The following CROCC variants were observed in gnomAD, a reference collection of about 807,000 sequenced individuals.
CROCC encodes the protein ciliary rootlet coiled-coil, rootletin.
Under a neutral mutation model 245.2 loss-of-function variants are expected in CROCC, and 180 were observed. The ratio of observed to expected loss-of-function variants is 0.73; its 90% CI spans 0.65 to 0.83. The LOEUF (loss-of-function observed/expected upper bound fraction) is 0.83, where lower values mean the gene tolerates loss of function less well. Among genes scored for constraint, CROCC ranks in the 40% least tolerant of loss-of-function variants. CROCC has a pLI of 0.00. For missense variants in CROCC, 2,688 were observed against 2,779.4 expected (o/e 0.97, Z 0.74); for synonymous variants, 1,205 against 1,241.6 (o/e 0.97, Z 0.62).
rs552335551 is a variant in CROCC, at chr1:16,926,896, C to A, written c.351+2417C>A. 5.2e-5 allele frequency among the ~76,000 whole-genome samples: 8 copies of A among 152,396 alleles called. No individual in the cohort carries two copies. The South Asian group carries it at 1.7e-3, about 32-fold the overall frequency. ...GGCAGCCTCCTTCCCTTTTGAATTG[C>A]AAGTAAAATTGAAAGGCTGTTTTGC... is the stretch of plus-strand genomic sequence containing the variant. On this transcript the variant is annotated intron_variant, in intron 3 of 36. Transcript: ENST00000375541.
Position 16,946,865 on chromosome 1 carries a change from G to A in CROCC, c.2388G>A (p.Glu796=), listed in dbSNP as rs770661047. Residue 796 remains glutamate, a synonymous_variant, in exon 17 of 37, where the codon GAG becomes GAA. Transcript: ENST00000375541. ...AACGGCTAGAGGAGCTGCGGTTGGA[G>A]CAGGAGGTGGCGCGGCAGGGCCTGG... ...EQERLEELRL[E]QEVARQGLEG... 6.4e-7 allele frequency: 1 copy of A among 1,557,922 alleles called. No individual in the cohort carries two copies. The highest frequency in any genetic ancestry group is 8.7e-7 in the Non-Finnish European group (1 of 1,150,870).
intron 8 of CROCC, among the ~76,000 whole-genome samples, chr1:16,935,615 G>A (rs1318400608): frequency 2.6e-5 from 4 of 152,374 alleles, no homozygotes; most frequent in Admixed American, 6.5e-5. Context: ...TAATAGAGAC[G>A]GGGTTTCACC....
intron 19 of CROCC, 90 bp downstream of exon 19, chr1:16,949,016 A>G: frequency 6.5e-7 from 1 of 1,528,604 alleles, no homozygotes; most frequent in South Asian, 1.3e-5. Context: ...AGTTGGGAGC[A>G]CTGGAGTAGG....
At chr1:16,971,329 T>C in intron 35 of CROCC, 136 bp from the exon 36 acceptor site, 1 of 1,309,588 alleles carries the variant, frequency 7.6e-7, no homozygotes, top group Admixed American at 3.0e-5. Context: ...GCCAGCAGGA[T>C]GGAAGACACA....
At chr1:16,969,410 G>A in intron 32 of CROCC, 70 bp downstream of exon 32, 1 of 1,468,434 alleles carries the variant, frequency 6.8e-7, no homozygotes, top group Non-Finnish European at 9.3e-7. Context: ...GGCTTGGAGG[G>A]GGGCCCTGGT....
chr1:16,930,002 GC>G lies in CROCC; in HGVS notation c.511del (p.Gln171SerfsTer36), dbSNP rs2075629791. On this transcript the variant is annotated frameshift_variant, in exon 4 of 37. Coordinates refer to ENST00000375541, the MANE Select transcript of CROCC (RefSeq NM_014675.5). LOFTEE classifies it high-confidence loss of function. ...QAYQEGQQRQ[A>X]QLVQRLQGKI... ...CTACCAGGAGGGCCAGCAGCGGCAG[GC>G]CCAGCTTGTGCAGCGGCTGCAGGGC... 6.3e-7 allele frequency: 1 copy of G among 1,582,940 alleles called. No homozygotes were observed. Among genetic ancestry groups the G allele is most frequent in the African/African-American group, 1.3e-5 (1 of 74,790 alleles).
rs1455347187 is a variant in CROCC, at chr1:16,971,520, C to T, written c.5840C>T (p.Ala1947Val). Residue 1947 changes from alanine to valine, a missense_variant, in exon 36 of 37, where the codon GCG becomes GTG. Ala to Val is a moderately conservative substitution (Grantham distance 64, BLOSUM62 0). Around this residue, in one of 9 missense-constraint regions of CROCC, gnomAD observed 1,218 missense variants for 1,286.3 expected, o/e 0.95. Coordinates refer to ENST00000375541, the MANE Select transcript of CROCC (RefSeq NM_014675.5). ...AGCCCGGCCCAGCTGGAGGTGGATG[C>T]GCAGCAGCAGCAGCTGGAGCTGCAG... ...SHSPAQLEVD[A>V]QQQQLELQQE... The T allele has an allele frequency of 1.8e-5, 27 of 1,536,730 alleles. No homozygotes were observed. Among genetic ancestry groups the T allele is most frequent in the South Asian group, 4.8e-5 (4 of 83,906 alleles).
At chr1:16,968,084 G>T in intron 30 of CROCC, 119 bp from the exon 31 acceptor site, 1 of 994,696 alleles carries the variant, frequency 1.0e-6, no homozygotes, top group Non-Finnish European at 1.5e-6. Flanking sequence ...GCCGGCCCCA[G>T]GTCACGTAGG....
intron 20 of CROCC, 81 bp downstream of exon 20, chr1:16,951,203 C>A: frequency 8.0e-7 from 1 of 1,247,380 alleles, no homozygotes; most frequent in Non-Finnish European, 1.1e-6. Flanking sequence ...GTCTCTACAT[C>A]TGTGAAATGG....
At position 16,970,270 on chromosome 1, in the gene CROCC, G is replaced by T. The variant is rs762587905; in HGVS notation, c.5469G>T (p.Gln1823His). ...TGTTGCAGGTGCTGCGGCAGCGGCA[G>T]GAGGGTGAGGCTGCAGCCCTGAACA... The part of the protein sequence containing the change: ...QQLREVLRQR[Q>H]EGEAAALNTV... Residue 1823 changes from glutamine (Q) to histidine (H), a missense_variant, in exon 34 of 37, where the codon CAG becomes CAT. Physicochemically the swap from Gln to His is conservative, Grantham distance 24. This residue lies in a region of CROCC where 1,218 missense variants were observed against 1,286.3 expected (regional missense o/e 0.95). Transcript: ENST00000375541. 2.6e-5 allele frequency: 40 copies of T among 1,561,194 alleles called. No individual in the cohort carries two copies. The highest frequency in any genetic ancestry group is 2.0e-4 in the Admixed American group (11 of 54,030).
chr1:16,933,258 G>A (rs1291012198), intron 8 of CROCC, among the ~76,000 whole-genome samples: 1 of 152,250 alleles, frequency 6.6e-6, no homozygotes, highest in Non-Finnish European at 1.5e-5. Context: ...CTGAGGTCAG[G>A]AGTTCGAGAC....
upstream of CROCC, among the ~76,000 whole-genome samples, chr1:16,921,757 T>C (rs1440113705): frequency 1.3e-5 from 2 of 152,206 alleles, no homozygotes; most frequent in African/African-American, 2.4e-5. Context: ...TCCTTTTCTC[T>C]CCCTTCTCCT....
In CROCC at chr1:16,965,825, A is replaced by C; in HGVS notation, c.4508A>C (p.Asp1503Ala). ...ACCTCCCCAGCCTCTCCAGACCTGGACCCGGAGGCAGTGCGCGGGGCCCTC... is the reference window on the plus strand; with the variant it reads ...ACCTCCCCAGCCTCTCCAGACCTGGCCCCGGAGGCAGTGCGCGGGGCCCTC... ...PATSPASPDL[D>A]PEAVRGALRE... The change falls in exon 28 of 37, where the codon GAC becomes GCC. Residue 1503 changes from aspartate to alanine, a missense_variant. Physicochemically the swap from Asp to Ala is moderately radical, Grantham distance 126. Transcript: ENST00000375541. 6.2e-7 allele frequency: 1 copy of C among 1,613,672 alleles called. No individual in the cohort carries two copies. The highest frequency in any genetic ancestry group is 8.5e-7 in the Non-Finnish European group (1 of 1,180,008).
intron 8 of CROCC, among the ~76,000 whole-genome samples, chr1:16,934,530 T>C (rs2075746668): frequency 2.0e-5 from 3 of 152,280 alleles, no homozygotes; most frequent in Admixed American, 2.0e-4. Flanking sequence ...CTTGAACTCC[T>C]GGGCTAAAGC....
chr1:16,971,403 G>A (rs151130033), intron 35 of CROCC, 62 bp from the exon 36 acceptor site: 130 of 1,457,288 alleles, frequency 8.9e-5, no homozygotes, highest in Non-Finnish European at 1.1e-4. Context: ...CTGACAACCC[G>A]TCACACATGC....
rs148046550 is a variant in CROCC at position 16,946,830 on chromosome 1, G to C, written c.2353G>C (p.Glu785Gln). The change falls in exon 17 of 37, where the codon GAA becomes CAA. Residue 785 changes from glutamate to glutamine, a missense_variant. Transcript: ENST00000375541. ...AGAGCAGGAGGCCACAGTGGCGCGG[G>C]AAGAGCAGGAACGGCTAGAGGAGCT... is the stretch of plus-strand genomic sequence containing the variant. Reference protein sequence around the residue: ...QAEQEATVAREEQERLEELRL... With the variant: ...QAEQEATVARQEQERLEELRL... 1 of 1,553,550 alleles carries C rather than the reference G, an allele frequency of 6.4e-7. No individual in the cohort carries two copies. Among genetic ancestry groups the C allele is most frequent in the Non-Finnish European group, 8.7e-7 (1 of 1,148,384 alleles).
At chr1:16,952,358 G>A (rs1442184435) in intron 20 of CROCC, among the ~76,000 whole-genome samples, 1 of 151,922 alleles carries the variant, frequency 6.6e-6, no homozygotes, top group Non-Finnish European at 1.5e-5. Context: ...GGTGGCACGC[G>A]CCTGTAGTCC....
chr1:16,935,855 C>A (rs2075775626), intron 8 of CROCC, among the ~76,000 whole-genome samples: 1 of 152,272 alleles, frequency 6.6e-6, no homozygotes, highest in African/African-American at 2.4e-5. Flanking sequence ...CTGCAGTGAA[C>A]CTCCTTGTCC....
intron 9 of CROCC, among the ~76,000 whole-genome samples, chr1:16,937,240 C>A (rs1486486253): frequency 2.0e-5 from 3 of 152,200 alleles, no homozygotes; most frequent in Non-Finnish European, 2.9e-5. Context: ...GTAATCCCAG[C>A]TACGAGGGAG....
Sources: allele counts gnomAD v4.1 joint callset (sites outside exome capture counted in the v4.1 genomes callset), GRCh38; gene constraint gnomAD v4.1.1; regional missense constraint gnomAD v4.1.1; transcripts MANE v1.5; gene names NCBI Gene and HGNC (gene_info 2026-07-23, HGNC 2026-07-21).